The following ROBO2 variants were observed in gnomAD, a reference collection of about 807,000 sequenced individuals.
The protein encoded by ROBO2 is roundabout homolog 2.
Under a neutral mutation model 160.8 loss-of-function variants are expected in ROBO2, and 53 were observed. The ratio of observed to expected loss-of-function variants is 0.33; its 90% CI spans 0.26 to 0.41. ROBO2 has a LOEUF of 0.41. ROBO2 is among the 10% of genes least tolerant of loss of function. The pLI is 1.00. For synonymous variants in ROBO2, 664 were observed against 611.7 expected (o/e 1.09, Z -1.26); for missense variants, 1,577 against 1,722.4 (o/e 0.92, Z 1.49).
At chr3:76,679,459 G>A (rs921006430) in intron 2 of ROBO2, among the ~76,000 whole-genome samples, 1 of 151,990 alleles carries the variant, frequency 6.6e-6, no homozygotes, top group Non-Finnish European at 1.5e-5. Context: ...AAAGCTGTAA[G>A]TTTACGTATG....
chr3:76,616,609 G>A (rs1367504115), intron 2 of ROBO2, among the ~76,000 whole-genome samples: 3 of 152,190 alleles, frequency 2.0e-5, no homozygotes, highest in Non-Finnish European at 4.4e-5. Context: ...TAATTAGAGT[G>A]GAGTTCTGAG....
chr3:77,462,689 T>C (rs1166102364), intron 2 of ROBO2, among the ~76,000 whole-genome samples: 1 of 152,214 alleles, frequency 6.6e-6, no homozygotes, highest in Non-Finnish European at 1.5e-5. Context: ...AAGTAGTTAA[T>C]ACATTTACAG....
At chr3:76,723,578 A>T (rs938895243) in intron 2 of ROBO2, among the ~76,000 whole-genome samples, 1 of 152,080 alleles carries the variant, frequency 6.6e-6, no homozygotes, top group Non-Finnish European at 1.5e-5. Context: ...CGCCCACTTC[A>T]TTCTCATACA....
At chr3:77,360,427 C>A (rs2069787839) in intron 2 of ROBO2, among the ~76,000 whole-genome samples, 1 of 151,996 alleles carries the variant, frequency 6.6e-6, no homozygotes, top group Non-Finnish European at 1.5e-5. Flanking sequence ...AAAAATAAAT[C>A]CATCGAGGTA....
intron 2 of ROBO2, among the ~76,000 whole-genome samples, chr3:76,302,145 G>A (rs952171028): frequency 2.0e-5 from 3 of 151,866 alleles, no homozygotes; most frequent in African/African-American, 7.3e-5. Flanking sequence ...ACTGATATAT[G>A]GCTATATGAT....
At chr3:76,243,189 C>T (rs1705403854) in intron 2 of ROBO2, among the ~76,000 whole-genome samples, 1 of 152,108 alleles carries the variant, frequency 6.6e-6, no homozygotes, top group Non-Finnish European at 1.5e-5. Context: ...TTGGTATCCT[C>T]TCGCGGCCCC....
chr3:76,683,387 C>T (rs2092611262), intron 2 of ROBO2, among the ~76,000 whole-genome samples: 1 of 144,968 alleles, frequency 6.9e-6, no homozygotes, highest in Admixed American at 7.0e-5. Flanking sequence ...TTTAAAATTC[C>T]AGTTGCTTCA....
At chr3:76,088,370 G>T (rs893147187) in intron 2 of ROBO2, among the ~76,000 whole-genome samples, 1 of 151,978 alleles carries the variant, frequency 6.6e-6, no homozygotes, top group Admixed American at 6.6e-5. Context: ...AAATCATTTG[G>T]ATGTAATCGA....
intron 2 of ROBO2, among the ~76,000 whole-genome samples, chr3:77,230,440 T>C (rs943054144): frequency 2.0e-5 from 3 of 152,226 alleles, no homozygotes; most frequent in African/African-American, 7.2e-5. Flanking sequence ...AAAGTTATTC[T>C]TCAAACGTAA....
At chr3:76,131,393 G>A (rs1316866719) in intron 2 of ROBO2, among the ~76,000 whole-genome samples, 1 of 152,012 alleles carries the variant, frequency 6.6e-6, no homozygotes, top group Non-Finnish European at 1.5e-5. Context: ...TACATGTTAC[G>A]ACTGTTCCTT....
intron 2 of ROBO2, among the ~76,000 whole-genome samples, chr3:76,174,843 T>C (rs1377141325): frequency 1.3e-5 from 2 of 152,102 alleles, no homozygotes; most frequent in Non-Finnish European, 2.9e-5. Context: ...CTTGGCTATA[T>C]GGGCTCTTTT....
intron 2 of ROBO2, among the ~76,000 whole-genome samples, chr3:76,967,889 C>T (rs989121964): frequency 5.3e-5 from 8 of 152,070 alleles, no homozygotes; most frequent in Non-Finnish European, 1.0e-4. Context: ...GCTAAGATTG[C>T]TTATCTCCGT....
intron 2 of ROBO2, among the ~76,000 whole-genome samples, chr3:76,706,078 C>A (rs1157750122): frequency 6.6e-6 from 1 of 151,950 alleles, no homozygotes. Flanking sequence ...TAGAAGAAAG[C>A]AATAATAGTA....
In ROBO2 at chr3:76,760,872, G is replaced by T. The variant is rs138447391; in HGVS notation, c.110-337142G>T. On this transcript the variant is annotated intron_variant, in intron 2 of 26. Transcript: ENST00000487694. ...AGAATGCAAAAAATATTTCATATTT[G>T]CAGATTTGTTTTTAATATGGTACAT... Among the ~76,000 whole-genome samples the T allele has an allele frequency of 1.0e-3, 157 of 151,450 alleles. 1 individual carries two copies. In the Middle Eastern group the frequency reaches 0.02, roughly 20 times the overall value.
At chr3:76,630,055 T>C (rs1178987774) in intron 2 of ROBO2, among the ~76,000 whole-genome samples, 1 of 152,204 alleles carries the variant, frequency 6.6e-6, no homozygotes, top group Admixed American at 6.5e-5. Context: ...TGGCTGACTT[T>C]GGTTTGCATT....
At chr3:77,582,148 A>G (rs764772597) in intron 16 of ROBO2, among the ~76,000 whole-genome samples, 1 of 152,126 alleles carries the variant, frequency 6.6e-6, no homozygotes, top group Non-Finnish European at 1.5e-5. Flanking sequence ...GTTCTATTAA[A>G]TTGCATATTG....
At chr3:76,726,565 C>T (rs2093556212) in intron 2 of ROBO2, among the ~76,000 whole-genome samples, 1 of 152,148 alleles carries the variant, frequency 6.6e-6, no homozygotes, top group African/African-American at 2.4e-5. Context: ...AGTGAGTCCT[C>T]TCCACCTCCA....
intron 4 of ROBO2, among the ~76,000 whole-genome samples, 162 bp from the exon 5 acceptor site, chr3:77,493,082 T>C (rs1353250787): frequency 6.6e-6 from 1 of 152,218 alleles, no homozygotes; most frequent in East Asian, 1.9e-4. Context: ...TTTTATTGAA[T>C]GACATTGGAT....
chr3:76,029,064 G>GA (rs1267810357), intron 2 of ROBO2, among the ~76,000 whole-genome samples: 1 of 151,532 alleles, frequency 6.6e-6, no homozygotes, highest in African/African-American at 2.4e-5. Context: ...AGAAGCATCT[G>GA]AAAAAAAAGA....
Sources: allele counts gnomAD v4.1 joint callset (sites outside exome capture counted in the v4.1 genomes callset), GRCh38; gene constraint gnomAD v4.1.1; transcripts MANE v1.5; gene names NCBI Gene and HGNC (gene_info 2026-07-23, HGNC 2026-07-21).